The following DOCK2 variants were observed in gnomAD, a reference collection of about 807,000 sequenced individuals.
DOCK2 encodes dedicator of cytokinesis 2.
In DOCK2, 87 loss-of-function variants were observed where a neutral mutation model predicts 248.9. The ratio of observed to expected loss-of-function variants is 0.35; its 90% CI spans 0.29 to 0.42. The LOEUF is 0.42. Among genes scored for constraint, DOCK2 ranks in the 10% least tolerant of loss-of-function variants. The probability of loss-of-function intolerance (pLI) is 1.00; values close to 1 mark genes in which losing one functional copy is unlikely to be tolerated. For synonymous variants in DOCK2, 805 were observed against 821.6 expected, an observed-to-expected ratio of 0.98 and a Z score of 0.35; for missense variants, 1,747 against 2,300.2, an observed-to-expected ratio of 0.76 and a Z score of 4.92.
intron 26 of DOCK2, among the ~76,000 whole-genome samples, chr5:169,837,616 C>T (rs1769673500): frequency 6.6e-6 from 1 of 152,144 alleles, no homozygotes; most frequent in Admixed American, 6.5e-5. Context: ...ACTTTACCTG[C>T]ATTACCTTGT....
At chr5:169,750,572 T>C (rs1036764059) in intron 23 of DOCK2, among the ~76,000 whole-genome samples, 11 of 152,264 alleles carry the variant, frequency 7.2e-5, no homozygotes, top group Non-Finnish European at 1.3e-4. Context: ...ATAAGTCTTT[T>C]TACCCAGGTG....
intron 2 of DOCK2, among the ~76,000 whole-genome samples, chr5:169,657,206 G>A (rs919760388): frequency 2.0e-5 from 3 of 152,142 alleles, no homozygotes; most frequent in Non-Finnish European, 2.9e-5. Flanking sequence ...TGCCTTGAGT[G>A]GCAGAAGGTA....
intron 27 of DOCK2, among the ~76,000 whole-genome samples, chr5:169,845,248 G>A (rs1301742195): frequency 1.3e-5 from 2 of 150,834 alleles, no homozygotes; most frequent in African/African-American, 4.9e-5. Context: ...TGGCCCACCT[G>A]TCCCCACTCC....
chr5:169,948,655 C>T (rs963531475), intron 27 of DOCK2, among the ~76,000 whole-genome samples: 1 of 150,390 alleles, frequency 6.6e-6, no homozygotes. Context: ...GCTCTGTTCC[C>T]CAGGCTGGAG....
At chr5:169,979,245 C>T (rs912045081) in intron 27 of DOCK2, among the ~76,000 whole-genome samples, 1 of 152,178 alleles carries the variant, frequency 6.6e-6, no homozygotes, top group South Asian at 2.1e-4. Context: ...TGAACAACGT[C>T]AGTGTTAGGG....
At chr5:169,804,711 C>A (rs575381355) in intron 26 of DOCK2, among the ~76,000 whole-genome samples, 11 of 152,146 alleles carry the variant, frequency 7.2e-5, no homozygotes, top group Non-Finnish European at 1.3e-4. Context: ...TCATAGACTT[C>A]ATTAGCATTC....
intron 44 of DOCK2, among the ~76,000 whole-genome samples, chr5:170,062,128 TGAGAGAGAGA>T (rs1554129358): frequency 7.3e-6 from 1 of 137,916 alleles, no homozygotes; most frequent in East Asian, 2.0e-4. Context: ...TGTGTGTGTG[TGAGAGAGAGA>T]GAGAGAGAGA....
chr5:169,869,814 G>A (rs1041241024), intron 27 of DOCK2, among the ~76,000 whole-genome samples: 1 of 152,132 alleles, frequency 6.6e-6, no homozygotes, highest in African/African-American at 2.4e-5. Flanking sequence ...TAACTTTTCT[G>A]ACCTCACCTC....
At chr5:169,662,146 T>C (rs1758482275) in intron 2 of DOCK2, among the ~76,000 whole-genome samples, 2 of 152,236 alleles carry the variant, frequency 1.3e-5, no homozygotes, top group South Asian at 4.1e-4. Flanking sequence ...TTTTTGATAA[T>C]AGCCATTTTC....
At chr5:169,987,997 A>T (rs533645978) in intron 29 of DOCK2, among the ~76,000 whole-genome samples, 2 of 152,302 alleles carry the variant, frequency 1.3e-5, no homozygotes, top group African/African-American at 4.8e-5. Flanking sequence ...CTTTGTGTGT[A>T]CGAGGATAGA....
At chr5:169,778,571 C>G (rs1765515320) in intron 25 of DOCK2, among the ~76,000 whole-genome samples, 1 of 152,244 alleles carries the variant, frequency 6.6e-6, no homozygotes, top group African/African-American at 2.4e-5. Flanking sequence ...CTAACTTTCT[C>G]TCTCTGTAAA....
At chr5:169,889,952 A>G (rs547426077) in intron 27 of DOCK2, among the ~76,000 whole-genome samples, 5 of 152,218 alleles carry the variant, frequency 3.3e-5, no homozygotes, top group Non-Finnish European at 5.9e-5. Context: ...CTCTGAACTT[A>G]GTAATAATAA....
chr5:169,807,207 G>A (rs34276294), intron 26 of DOCK2, among the ~76,000 whole-genome samples: 23,334 of 152,146 alleles, frequency 0.15, 2,136 homozygotes, highest in Admixed American at 0.22. Context: ...TGATTACCAG[G>A]TGATGCTAAC....
chr5:169,698,183 T>C (rs1032495536), intron 10 of DOCK2, among the ~76,000 whole-genome samples, 191 bp from the exon 11 acceptor site: 1 of 152,198 alleles, frequency 6.6e-6, no homozygotes, highest in African/African-American at 2.4e-5. Context: ...TGGAGGTATT[T>C]GCCCTGGTGC....
intron 27 of DOCK2, among the ~76,000 whole-genome samples, chr5:169,931,991 G>T (rs543308893): frequency 6.6e-6 from 1 of 152,286 alleles, no homozygotes; most frequent in East Asian, 1.9e-4. Context: ...TGCTCTAGGT[G>T]CTAGGAATAC....
Position 169,929,761 on chromosome 5 carries a change from AAGAG to A in DOCK2, c.2800-53297_2800-53294del, listed in dbSNP as rs1254868385. ...TGTCTCAAAAAAAAAAAAAAAAAAA[AAGAG>A]AGAGAGAGAAAGAAGCTATCCTGCT... On this transcript the variant is annotated intron_variant, in intron 27 of 51. Transcript: ENST00000520908. Among the ~76,000 whole-genome samples, 4 of 149,616 alleles carry A rather than the reference AAGAG, an allele frequency of 2.7e-5. No homozygotes were observed. In the South Asian group the frequency reaches 8.4e-4, roughly 31 times the overall value.
At chr5:169,775,044 G>A (rs549284343) in intron 25 of DOCK2, among the ~76,000 whole-genome samples, 29 of 152,260 alleles carry the variant, frequency 1.9e-4, no homozygotes, top group African/African-American at 7.0e-4. Flanking sequence ...GAGTAGCTGG[G>A]ATAACAGGCA....
intron 17 of DOCK2, among the ~76,000 whole-genome samples, chr5:169,713,664 A>G (rs1761708857): frequency 1.3e-5 from 2 of 152,222 alleles, no homozygotes; most frequent in African/African-American, 4.8e-5. Context: ...CTTTGCCATT[A>G]AATTCCTCTT....
intron 22 of DOCK2, among the ~76,000 whole-genome samples, chr5:169,745,097 T>A (rs1763535258): frequency 6.6e-6 from 1 of 152,148 alleles, no homozygotes; most frequent in African/African-American, 2.4e-5. Flanking sequence ...GTAACAGACT[T>A]CAAGGCAAAA....
Sources: gnomAD v4.1 joint callset for allele counts (sites outside exome capture counted in the v4.1 genomes callset) on GRCh38, gnomAD v4.1.1 for gene constraint, MANE v1.5 for transcripts, NCBI Gene and HGNC (gene_info 2026-07-23, HGNC 2026-07-21) for gene names.